UBE2J1: variants seen among roughly 807,000 people sequenced by gnomAD.
UBE2J1 encodes ubiquitin-conjugating enzyme E2 J1.
In UBE2J1, 17 loss-of-function variants were observed where a neutral mutation model predicts 42.1. The ratio of observed to expected loss-of-function variants is 0.40; its 90% CI spans 0.28 to 0.61. UBE2J1 has a LOEUF of 0.61. Ranked by LOEUF, UBE2J1 falls within the 20% of genes least tolerant of loss-of-function variation. The probability of loss-of-function intolerance (pLI) is 0.38; values close to 1 mark genes in which losing one functional copy is unlikely to be tolerated. For synonymous variants in UBE2J1, 127 were observed against 137.2 expected (o/e 0.93, Z 0.52); for missense variants, 291 against 389.4 (o/e 0.75, Z 2.13).
At chr6:89,334,349 T>C (rs1351499613) in intron 6 of UBE2J1, among the ~76,000 whole-genome samples, 1 of 152,060 alleles carries the variant, frequency 6.6e-6, no homozygotes, top group African/African-American at 2.4e-5. Flanking sequence ...ATTAAAATAT[T>C]ATATAATCCT....
At position 89,327,341 on chromosome 6, in the gene UBE2J1, G is replaced by C. The variant is rs572571560; in HGVS notation, c.*2338C>G. ...CCAGAATATACATCCAGTTTTAGCT[G>C]TATGCTGGAATTAAGGAGTTAAAGT... is the stretch of plus-strand genomic sequence containing the variant. On this transcript the variant is annotated 3_prime_UTR_variant, in exon 8 of 8. Coordinates refer to ENST00000435041, the MANE Select transcript of UBE2J1 (RefSeq NM_016021.3). The C allele has an allele frequency of 6.6e-6, 1 of 152,342 alleles. No individual in the cohort carries two copies. The highest frequency in any genetic ancestry group is 2.4e-5 in the African/African-American group (1 of 41,528). The allele number at this position is 152,342 out of a possible 1,614,324, so 9.4% of individuals were successfully genotyped here. A position where few individuals can be genotyped will look rare whatever the true frequency, so the allele number is the denominator to read the frequency against.
At chr6:89,338,065 A>G in intron 5 of UBE2J1, 140 bp downstream of exon 5, 1 of 557,646 alleles carries the variant, frequency 1.8e-6, no homozygotes, top group Non-Finnish European at 3.1e-6. Context: ...TGAATTCCTA[A>G]AAGAGCAAAA....
chr6:89,338,810 C>T lies in UBE2J1; in HGVS notation c.238-267G>A, dbSNP rs993699041. Among the ~76,000 whole-genome samples, 144 of 151,540 alleles carry T rather than the reference C, an allele frequency of 9.5e-4. 1 individual carries two copies. The highest frequency in any genetic ancestry group is 3.2e-3 in the African/African-American group (134 of 41,320). ...CCTCCCAAGTAGCTGGAACTACAGG[C>T]GCCTGCCACCAGGCCTGGCTAATGT... On this transcript the variant is annotated intron_variant, in intron 3 of 7. Coordinates refer to ENST00000435041, the MANE Select transcript of UBE2J1 (RefSeq NM_016021.3).
At chr6:89,333,065 A>G in intron 7 of UBE2J1, 21 bp downstream of exon 7, 3 of 1,577,764 alleles carry the variant, frequency 1.9e-6, no homozygotes, top group Non-Finnish European at 2.6e-6. Flanking sequence ...ATACATATAT[A>G]TTAAAAGATA....
In UBE2J1 at chr6:89,338,546, G is replaced by A. The variant is rs373982032; in HGVS notation, c.238-3C>T. ...CCCACTTCAAATCGACCATTAGCCT[G>A]AGGAATAAACAATGCATTTAGAAAA... On this transcript the variant is annotated splice_region_variant and splice_polypyrimidine_tract_variant and intron_variant, in intron 3 of 7. Transcript: ENST00000435041. The A allele has an allele frequency of 1.3e-6, 2 of 1,558,948 alleles. No homozygotes were observed. Among genetic ancestry groups the A allele is most frequent in the Non-Finnish European group, 1.7e-6 (2 of 1,159,670 alleles).
intron 1 of UBE2J1, among the ~76,000 whole-genome samples, chr6:89,346,045 C>T (rs986020190): frequency 6.6e-6 from 1 of 152,076 alleles, no homozygotes; most frequent in Non-Finnish European, 1.5e-5. Flanking sequence ...CATGCACCAC[C>T]ATGCCTGGCT....
intron 7 of UBE2J1, among the ~76,000 whole-genome samples, chr6:89,331,309 A>T (rs1408297602): frequency 2.6e-5 from 4 of 152,196 alleles, no homozygotes; most frequent in African/African-American, 9.7e-5. Flanking sequence ...AATTTTAGAC[A>T]ATTTATTGCT....
chr6:89,349,419 A>G (rs1303900015), intron 1 of UBE2J1, among the ~76,000 whole-genome samples: 1 of 152,170 alleles, frequency 6.6e-6, no homozygotes, highest in East Asian at 1.9e-4. Flanking sequence ...TGATCTGGTG[A>G]CAACAGTGAC....
chr6:89,346,251 A>G (rs1022153756), intron 1 of UBE2J1, among the ~76,000 whole-genome samples: 1 of 152,126 alleles, frequency 6.6e-6, no homozygotes, highest in African/African-American at 2.4e-5. Context: ...CTAAGCCCCT[A>G]TATGCAGAGA....
intron 5 of UBE2J1, 94 bp downstream of exon 5, chr6:89,338,111 A>G (rs1650130417): frequency 1.3e-6 from 1 of 786,620 alleles, no homozygotes; most frequent in Non-Finnish European, 2.0e-6. Context: ...TCACTCAGAA[A>G]ATAAGTCACA....
chr6:89,350,142 A>C (rs1280078769), intron 1 of UBE2J1, among the ~76,000 whole-genome samples: 2 of 152,154 alleles, frequency 1.3e-5, no homozygotes, highest in Non-Finnish European at 2.9e-5. Context: ...CCAAAAAAAA[A>C]CCATAAAGCA....
intron 1 of UBE2J1, among the ~76,000 whole-genome samples, chr6:89,352,187 T>TAGCG (rs1476993636): frequency 6.6e-6 from 1 of 152,096 alleles, no homozygotes; most frequent in East Asian, 1.9e-4. Flanking sequence ...AGGGAGGGAA[T>TAGCG]AGCGACCAGG....
chr6:89,349,384 G>A (rs1213807917), intron 1 of UBE2J1, among the ~76,000 whole-genome samples: 1 of 152,096 alleles, frequency 6.6e-6, no homozygotes, highest in Non-Finnish European at 1.5e-5. Context: ...TTTTCAATTT[G>A]GGGGTAATCA....
chr6:89,346,052 G>C (rs1466133577), intron 1 of UBE2J1, among the ~76,000 whole-genome samples: 1 of 151,966 alleles, frequency 6.6e-6, no homozygotes, highest in African/African-American at 2.4e-5. Flanking sequence ...CACCATGCCT[G>C]GCTAATTTTT....
intron 2 of UBE2J1, 131 bp from the exon 3 acceptor site, chr6:89,342,586 CATGAG>C (rs1768268669): frequency 1.3e-6 from 1 of 772,522 alleles, no homozygotes; most frequent in Non-Finnish European, 1.9e-6. Flanking sequence ...GTTTCTAATG[CATGAG>C]ATGTCTCGAG....
At chr6:89,335,193 T>C in intron 6 of UBE2J1, 109 bp downstream of exon 6, 1 of 1,051,018 alleles carries the variant, frequency 9.5e-7, no homozygotes, top group East Asian at 2.8e-5. Context: ...AAGAAAAACA[T>C]TGGCAAATGT....
intron 7 of UBE2J1, among the ~76,000 whole-genome samples, chr6:89,331,603 A>T (rs547164258): frequency 1.3e-5 from 2 of 152,360 alleles, no homozygotes; most frequent in Non-Finnish European, 2.9e-5. Context: ...AAGCGGAAAG[A>T]GACCCCTGAC....
chr6:89,334,548 C>T (rs1353318775), intron 6 of UBE2J1, among the ~76,000 whole-genome samples: 25 of 150,100 alleles, frequency 1.7e-4, no homozygotes, highest in South Asian at 6.3e-4. Flanking sequence ...CTCGGCTCAC[C>T]GCAACCTCTG....
rs1017235531 is a variant in UBE2J1, at chr6:89,328,013, C to T, written c.*1666G>A. On this transcript the variant is annotated 3_prime_UTR_variant, in exon 8 of 8. Transcript: ENST00000435041. ...TCATATAATGAGATCTTCATAAAGT[C>T]CTTGAGCTTTTTAGACTTTAACAAA... is the stretch of plus-strand genomic sequence containing the variant. 9.2e-5 allele frequency: 14 copies of T among 152,090 alleles called. No individual in the cohort carries two copies. Among genetic ancestry groups the T allele is most frequent in the Admixed American group, 3.3e-4 (5 of 15,266 alleles). The allele number at this position is 152,090 out of a possible 1,614,324, so 9.4% of individuals were successfully genotyped here. A position where few individuals can be genotyped will look rare whatever the true frequency, so the allele number is the denominator to read the frequency against.
Sources: allele counts gnomAD v4.1 joint callset (sites outside exome capture counted in the v4.1 genomes callset), GRCh38; gene constraint gnomAD v4.1.1; transcripts MANE v1.5; gene names NCBI Gene and HGNC (gene_info 2026-07-23, HGNC 2026-07-21).